SORCS1: variants seen among roughly 807,000 people sequenced by gnomAD.
SORCS1 encodes the protein sortilin related VPS10 domain containing receptor 1.
A neutral mutation model predicts 146.1 loss-of-function variants in SORCS1; 60 were observed. That is an observed-to-expected ratio of 0.41 (90% confidence interval 0.33 to 0.51). SORCS1 has a LOEUF of 0.51. Among genes scored for constraint, SORCS1 ranks in the 20% least tolerant of loss-of-function variants. The pLI is 0.21. For synonymous variants in SORCS1, 637 were observed against 584.0 expected (o/e 1.09, Z -1.31); for missense variants, 1,352 against 1,487.6 (o/e 0.91, Z 1.50).
At chr10:107,162,038 T>C (rs1969749699) in intron 1 of SORCS1, among the ~76,000 whole-genome samples, 1 of 152,222 alleles carries the variant, frequency 6.6e-6, no homozygotes, top group Non-Finnish European at 1.5e-5. Flanking sequence ...TTCAATGCCC[T>C]GAACCTAATA....
chr10:106,642,088 T>A (rs181235774), intron 18 of SORCS1, among the ~76,000 whole-genome samples: 1 of 152,200 alleles, frequency 6.6e-6, no homozygotes, highest in Admixed American at 6.5e-5. Flanking sequence ...ATGGTTTAGA[T>A]GAAATGCAGA....
intron 1 of SORCS1, among the ~76,000 whole-genome samples, chr10:107,127,519 T>C (rs531433897): frequency 5.3e-5 from 8 of 152,286 alleles, no homozygotes; most frequent in African/African-American, 1.9e-4. Context: ...ACTTTGTCTA[T>C]GATTTGGTTA....
chr10:106,703,605 G>A lies in SORCS1; in HGVS notation c.1233+2940C>T, dbSNP rs578212175. Among the ~76,000 whole-genome samples, 27 of 152,264 alleles carry A rather than the reference G, an allele frequency of 1.8e-4. 1 individual carries two copies. In the South Asian group the frequency reaches 5.4e-3, roughly 30 times the overall value. On this transcript the variant is annotated intron_variant, in intron 8 of 25. Coordinates refer to ENST00000263054, the MANE Select transcript of SORCS1 (RefSeq NM_052918.5). ...AATATTTTTTTGAGCACAGCTCAGG[G>A]TGACTATGATCTTTCAGGAGTTGAT...
chr10:106,841,726 A>T (rs1447873826), intron 2 of SORCS1, among the ~76,000 whole-genome samples: 1 of 152,152 alleles, frequency 6.6e-6, no homozygotes, highest in Non-Finnish European at 1.5e-5. Flanking sequence ...AGTGATATAC[A>T]TCTCAGCTTC....
intron 2 of SORCS1, among the ~76,000 whole-genome samples, chr10:106,864,821 G>T (rs1950168894): frequency 6.6e-6 from 1 of 152,216 alleles, no homozygotes; most frequent in Admixed American, 6.5e-5. Flanking sequence ...GTAACCAGGG[G>T]CTGAAGTGGA....
chr10:106,684,833 G>A (rs946830680), intron 10 of SORCS1, among the ~76,000 whole-genome samples: 1 of 152,136 alleles, frequency 6.6e-6, no homozygotes, highest in African/African-American at 2.4e-5. Flanking sequence ...GCCTAAAGAA[G>A]GTTTTTAACA....
intron 2 of SORCS1, among the ~76,000 whole-genome samples, chr10:106,937,172 A>T (rs574318928): frequency 9.6e-4 from 138 of 143,164 alleles, no homozygotes; most frequent in African/African-American, 3.4e-3. Context: ...AGAAGATCTG[A>T]TTTTTTTTTT....
At chr10:106,916,932 G>A (rs912186610) in intron 2 of SORCS1, among the ~76,000 whole-genome samples, 2 of 152,064 alleles carry the variant, frequency 1.3e-5, no homozygotes, top group Admixed American at 6.5e-5. Flanking sequence ...TAGTAGAGAC[G>A]GGGTTTCACC....
chr10:107,083,328 C>T (rs1255059591), intron 1 of SORCS1, among the ~76,000 whole-genome samples: 1 of 152,052 alleles, frequency 6.6e-6, no homozygotes, highest in African/African-American at 2.4e-5. Context: ...TCATTGTGGA[C>T]TGTCAATCTT....
intron 1 of SORCS1, among the ~76,000 whole-genome samples, chr10:107,132,885 T>G (rs1040881013): frequency 6.6e-6 from 1 of 152,218 alleles, no homozygotes; most frequent in African/African-American, 2.4e-5. Context: ...CGAGACCTTG[T>G]ACAACTAACT....
intron 2 of SORCS1, among the ~76,000 whole-genome samples, chr10:106,887,607 TAAA>T (rs964117988): frequency 6.6e-6 from 1 of 151,992 alleles, no homozygotes; most frequent in Non-Finnish European, 1.5e-5. Context: ...AACCTCCTAA[TAAA>T]AAAGCATATA....
Position 107,102,732 on chromosome 10 carries a change from C to T in SORCS1, c.558+61237G>A, listed in dbSNP as rs373678594. Among the ~76,000 whole-genome samples, 7 of 152,152 alleles carry T rather than the reference C, an allele frequency of 4.6e-5. No individual in the cohort carries two copies. In the East Asian group the frequency reaches 9.7e-4, roughly 21 times the overall value. On this transcript the variant is annotated intron_variant, in intron 1 of 25. Transcript: ENST00000263054. Reference sequence around the variant, plus strand: ...GCTTAACTCAGCCTTTTCTATTCTGCTAACTAAATAGGCTAAAAATGCACA... The same window carrying T: ...GCTTAACTCAGCCTTTTCTATTCTGTTAACTAAATAGGCTAAAAATGCACA...
chr10:107,050,551 G>A (rs1960005978), intron 1 of SORCS1, among the ~76,000 whole-genome samples: 5 of 152,248 alleles, frequency 3.3e-5, no homozygotes, highest in Admixed American at 2.6e-4. Context: ...TTCTAGTCCT[G>A]CTAAAAGTAG....
chr10:107,158,613 A>C (rs1369510859), intron 1 of SORCS1, among the ~76,000 whole-genome samples: 4 of 152,154 alleles, frequency 2.6e-5, no homozygotes, highest in Non-Finnish European at 5.9e-5. Context: ...TCTCTTAAGA[A>C]GTTTCTTTGG....
At chr10:106,692,377 T>C (rs1006074090) in intron 9 of SORCS1, among the ~76,000 whole-genome samples, 1 of 152,134 alleles carries the variant, frequency 6.6e-6, no homozygotes, top group African/African-American at 2.4e-5. Context: ...CTGTTTTTTT[T>C]CCTACTGAAA....
chr10:106,802,639 C>T (rs7088610), intron 3 of SORCS1, among the ~76,000 whole-genome samples: 14,072 of 152,186 alleles, frequency 0.092, 893 homozygotes, highest in African/African-American at 0.17. Context: ...GCTGGGATTA[C>T]AGGCATGCCC....
intron 2 of SORCS1, among the ~76,000 whole-genome samples, chr10:106,917,132 C>G (rs1038187682): frequency 6.6e-6 from 1 of 152,178 alleles, no homozygotes; most frequent in Non-Finnish European, 1.5e-5. Context: ...GAGGTGTTCC[C>G]AGACCATCCA....
At chr10:106,585,754 TC>T (rs576847336) in intron 24 of SORCS1, among the ~76,000 whole-genome samples, 20 of 152,238 alleles carry the variant, frequency 1.3e-4, no homozygotes, top group Non-Finnish European at 2.8e-4. Context: ...ATTGTGAATT[TC>T]ACGGCCTTGC....
At position 106,602,916 on chromosome 10, in the gene SORCS1, T is replaced by A. The variant is rs986679795; in HGVS notation, c.3165+4250A>T. Among the ~76,000 whole-genome samples the A allele has an allele frequency of 3.3e-5, 5 of 152,208 alleles. No homozygotes were observed. In the East Asian group the frequency reaches 9.6e-4, roughly 29 times the overall value. On this transcript the variant is annotated intron_variant, in intron 23 of 25. Coordinates refer to ENST00000263054, the MANE Select transcript of SORCS1 (RefSeq NM_052918.5). ...CTTAAAACTGTCACCCTGCTCCCTA[T>A]CGAGATCTGCCTTTCCTTTCTTCCT...
Sources: gnomAD v4.1 joint callset for allele counts (sites outside exome capture counted in the v4.1 genomes callset) on GRCh38, gnomAD v4.1.1 for gene constraint, MANE v1.5 for transcripts, NCBI Gene and HGNC (gene_info 2026-07-23, HGNC 2026-07-21) for gene names.